NCK2: variants seen among roughly 807,000 people sequenced by gnomAD.
The protein encoded by NCK2 is cytoplasmic protein NCK2.
Under a neutral mutation model 33.9 loss-of-function variants are expected in NCK2, and 16 were observed. The ratio of observed to expected loss-of-function variants is 0.47; its 90% CI spans 0.32 to 0.72. The LOEUF (loss-of-function observed/expected upper bound fraction) is 0.72, where lower values mean the gene tolerates loss of function less well. Ranked by LOEUF, NCK2 falls within the 30% of genes least tolerant of loss-of-function variation. NCK2 has a pLI of 0.03. For missense variants in NCK2, 418 were observed against 537.3 expected, an observed-to-expected ratio of 0.78 and a Z score of 2.19; for synonymous variants, 273 against 239.9, an observed-to-expected ratio of 1.14 and a Z score of -1.27.
In NCK2 at chr2:105,755,976, G is replaced by A. The variant is rs192512375; in HGVS notation, c.-201+10838G>A. 3.9e-3 allele frequency among the ~76,000 whole-genome samples: 598 copies of A among 152,290 alleles called. 8 individuals are homozygous for A. Among genetic ancestry groups the A allele is most frequent in the South Asian group, 0.01 (50 of 4,828 alleles). ...AAAAATATCACAAATTAGACCTTAC[G>A]AAGGGAAAAGGAAAGGGGAAATTCT... On this transcript the variant is annotated intron_variant, in intron 1 of 4. Coordinates refer to ENST00000233154, the MANE Select transcript of NCK2 (RefSeq NM_003581.5).
intron 2 of NCK2, among the ~76,000 whole-genome samples, chr2:105,848,907 A>ATT (rs1284459227): frequency 1.3e-5 from 2 of 152,314 alleles, no homozygotes; most frequent in African/African-American, 4.8e-5. Context: ...GGATGACAGT[A>ATT]TTTTTCATAT....
At position 105,881,880 on chromosome 2, in the gene NCK2, C is replaced by T; in HGVS notation, c.779C>T (p.Ala260Val). The change falls in exon 4 of 5, where the codon GCC (alanine) becomes GTC (valine). Residue 260 changes from alanine (A) to valine (V), a missense_variant. Physicochemically the swap from Ala to Val is moderately conservative, Grantham distance 64. Coordinates refer to ENST00000233154, the MANE Select transcript of NCK2 (RefSeq NM_003581.5). Reference protein sequence around the residue: ...NYVVVLSDGPALHPAHAPQIS... With the variant: ...NYVVVLSDGPVLHPAHAPQIS... ...GTGGTGGTCCTCAGTGACGGGCCTGCCCTGCACCCTGCGCACGCCCCACAG... is the reference window on the plus strand; with the variant it reads ...GTGGTGGTCCTCAGTGACGGGCCTGTCCTGCACCCTGCGCACGCCCCACAG... 3.8e-6 allele frequency: 6 copies of T among 1,575,462 alleles called. No homozygotes were observed. Among genetic ancestry groups the T allele is most frequent in the Non-Finnish European group, 4.3e-6 (5 of 1,161,274 alleles).
chr2:105,838,137 T>C (rs534396143), intron 2 of NCK2, among the ~76,000 whole-genome samples: 1 of 152,172 alleles, frequency 6.6e-6, no homozygotes, highest in South Asian at 2.1e-4. Context: ...ATAACCACTA[T>C]TTATAAACCT....
At chr2:105,751,452 G>A (rs923755805) in intron 1 of NCK2, among the ~76,000 whole-genome samples, 19 of 152,118 alleles carry the variant, frequency 1.2e-4, no homozygotes, top group African/African-American at 3.9e-4. Context: ...TCGTACTTGG[G>A]TCAGTGACTC....
intron 1 of NCK2, among the ~76,000 whole-genome samples, chr2:105,764,979 C>T (rs1280018333): frequency 6.6e-6 from 1 of 151,864 alleles, no homozygotes; most frequent in African/African-American, 2.4e-5. Flanking sequence ...GACAAGGTGC[C>T]TGTGTACGTC....
chr2:105,824,452 G>A (rs555376847), intron 2 of NCK2, among the ~76,000 whole-genome samples: 1 of 152,208 alleles, frequency 6.6e-6, no homozygotes, highest in Non-Finnish European at 1.5e-5. Context: ...CTTGGGAAAG[G>A]CAGGGATCCC....
chr2:105,875,168 T>C (rs1481768232), intron 3 of NCK2, among the ~76,000 whole-genome samples: 1 of 152,240 alleles, frequency 6.6e-6, no homozygotes, highest in East Asian at 1.9e-4. Flanking sequence ...TGGGCAGCTC[T>C]ATGCTCAGGA....
At chr2:105,872,068 C>T (rs1019761407) in intron 3 of NCK2, among the ~76,000 whole-genome samples, 3 of 152,214 alleles carry the variant, frequency 2.0e-5, no homozygotes, top group Admixed American at 6.5e-5. Context: ...CTTCCTTAAA[C>T]GTACGCAGTT....
rs555520481 is a variant in NCK2, at chr2:105,819,339, A to AT, written c.-17+2726_-17+2727insT. On this transcript the variant is annotated intron_variant, in intron 2 of 4. Coordinates refer to ENST00000233154, the MANE Select transcript of NCK2 (RefSeq NM_003581.5). ...CTCCGTTTTCTTTAAAAAAAAAAAA[A>AT]AAAAAGTCATTGGGGTAGAACTTTT... is the stretch of plus-strand genomic sequence containing the variant. 4.9e-3 allele frequency among the ~76,000 whole-genome samples: 752 copies of AT among 152,242 alleles called. 1 individual carries two copies. Among genetic ancestry groups the AT allele is most frequent in the African/African-American group, 0.013 (546 of 41,514 alleles).
chr2:105,751,493 A>G (rs1168172487), intron 1 of NCK2, among the ~76,000 whole-genome samples: 1 of 152,200 alleles, frequency 6.6e-6, no homozygotes, highest in Non-Finnish European at 1.5e-5. Context: ...ATGGGCTTGC[A>G]CGACTGGGCT....
At chr2:105,814,600 C>G (rs768470187) in intron 1 of NCK2, among the ~76,000 whole-genome samples, 3 of 152,160 alleles carry the variant, frequency 2.0e-5, no homozygotes, top group African/African-American at 4.8e-5. Context: ...GGAGTCTCTC[C>G]TCTGTTCGCA....
intron 3 of NCK2, among the ~76,000 whole-genome samples, chr2:105,862,681 T>C (rs981201089): frequency 2.0e-5 from 3 of 152,238 alleles, no homozygotes; most frequent in Non-Finnish European, 2.9e-5. Flanking sequence ...TGTATTGATA[T>C]AAATTTACTG....
chr2:105,772,376 A>G (rs1690162301), intron 1 of NCK2, among the ~76,000 whole-genome samples: 1 of 152,152 alleles, frequency 6.6e-6, no homozygotes, highest in South Asian at 2.1e-4. Flanking sequence ...ATAAGAACCT[A>G]GAAAAAGGAA....
intron 1 of NCK2, among the ~76,000 whole-genome samples, chr2:105,789,530 G>A (rs1448091858): frequency 6.6e-6 from 1 of 152,124 alleles, no homozygotes; most frequent in African/African-American, 2.4e-5. Context: ...GCCTTCTTTT[G>A]TTACACATAA....
intron 3 of NCK2, among the ~76,000 whole-genome samples, chr2:105,860,805 A>G (rs1158186113): frequency 2.7e-5 from 4 of 150,464 alleles, no homozygotes; most frequent in South Asian, 2.2e-4. Context: ...CCGCCTGTGC[A>G]TTTACCAGGA....
intron 1 of NCK2, among the ~76,000 whole-genome samples, chr2:105,756,181 G>A (rs910708052): frequency 6.6e-6 from 1 of 152,208 alleles, no homozygotes; most frequent in African/African-American, 2.4e-5. Flanking sequence ...TCTTCTCACT[G>A]TCTGCTTTGT....
At chr2:105,869,765 A>G (rs1303569147) in intron 3 of NCK2, among the ~76,000 whole-genome samples, 1 of 152,154 alleles carries the variant, frequency 6.6e-6, no homozygotes, top group African/African-American at 2.4e-5. Context: ...GCTTGGGCTC[A>G]TGGATCTGGT....
At chr2:105,828,929 A>G (rs2104516357) in intron 2 of NCK2, among the ~76,000 whole-genome samples, 1 of 152,272 alleles carries the variant, frequency 6.6e-6, no homozygotes, top group Middle Eastern at 3.4e-3. Context: ...ACCTTTCCCA[A>G]AATAGGCATT....
intron 1 of NCK2, among the ~76,000 whole-genome samples, chr2:105,798,276 C>G (rs1030932331): frequency 1.3e-5 from 2 of 152,118 alleles, no homozygotes; most frequent in African/African-American, 4.8e-5. Flanking sequence ...CAAGGGAAGC[C>G]TCCCTCCTAT....
Sources: allele counts gnomAD v4.1 joint callset (sites outside exome capture counted in the v4.1 genomes callset), GRCh38; gene constraint gnomAD v4.1.1; transcripts MANE v1.5; gene names NCBI Gene and HGNC (gene_info 2026-07-23, HGNC 2026-07-21).